The following C1QTNF1 variants were observed in gnomAD, a reference collection of about 807,000 sequenced individuals.
The protein encoded by C1QTNF1 is complement C1q tumor necrosis factor-related protein 1.
C1QTNF1 carries 22 observed loss-of-function variants against 27.8 expected under a neutral mutation model. The ratio of observed to expected loss-of-function variants is 0.79; its 90% CI spans 0.56 to 1.13. The LOEUF is 1.13. C1QTNF1 is among the 50% of genes most tolerant of loss of function. C1QTNF1 has a pLI of 0.00. For missense variants in C1QTNF1, 373 were observed against 380.2 expected, an observed-to-expected ratio of 0.98 and a Z score of 0.16; for synonymous variants, 166 against 154.3, an observed-to-expected ratio of 1.08 and a Z score of -0.56.
chr17:79,025,083 G>A (rs1392733196), intron 1 of C1QTNF1: 1 of 152,306 alleles, frequency 6.6e-6, no homozygotes, highest in East Asian at 1.9e-4. Context: ...AAAAAACGGT[G>A]TTGCTTCCCC....
In C1QTNF1 at chr17:79,046,900, T is replaced by C; in HGVS notation, c.295+206T>C. 1 of 662,204 alleles carries C rather than the reference T, an allele frequency of 1.5e-6. No homozygotes were observed. The highest frequency in any genetic ancestry group is 2.2e-5 in the South Asian group (1 of 45,626). 41.0% of individuals were successfully genotyped at this position (662,204 alleles called of 1,614,324 possible). ...CTGGCCCCTCTCCAAGAGGAGGGGT[T>C]GGAAAGGGGCCCACAGGACCAAGAG... On this transcript the variant is annotated intron_variant, in intron 3 of 3. Transcript: ENST00000579760. The surrounding 1 kb of genome is among the most constrained non-coding windows in gnomAD (Gnocchi z 4.8).
At chr17:79,028,655 C>T (rs1390522171) in intron 1 of C1QTNF1, among the ~76,000 whole-genome samples, 2 of 152,206 alleles carry the variant, frequency 1.3e-5, no homozygotes, top group East Asian at 1.9e-4. Context: ...AGGGTCCTCC[C>T]CGTGTGGTGC....
chr17:79,034,832 G>A (rs1334176458), intron 1 of C1QTNF1, among the ~76,000 whole-genome samples: 1 of 152,130 alleles, frequency 6.6e-6, no homozygotes, highest in East Asian at 1.9e-4. Flanking sequence ...ATTGAGAGAG[G>A]AGATAGGCTC....
chr17:79,030,319 TTG>T (rs142110810), intron 1 of C1QTNF1, among the ~76,000 whole-genome samples: 5,596 of 147,228 alleles, frequency 0.038, 147 homozygotes, highest in African/African-American at 0.079. Context: ...CTTTGTGGTT[TTG>T]TGTGTGTGTG....
In C1QTNF1 at chr17:79,047,548, T is replaced by A; in HGVS notation, c.306T>A (p.Gly102=). 6.6e-7 allele frequency: 1 copy of A among 1,525,798 alleles called. No homozygotes were observed. Among genetic ancestry groups the A allele is most frequent in the Non-Finnish European group, 8.8e-7 (1 of 1,138,470 alleles). The allele number at this position is 1,525,798 out of a possible 1,614,324, so 94.5% of individuals were successfully genotyped here. ...TCCCATCCCTTTTAGGGGAGAAGGG[T>A]GACCGCGGAGATCGAGGCCTCCAAG... is the stretch of plus-strand genomic sequence containing the variant. ...INITILKGEK[G]DRGDRGLQGK... is the part of the protein sequence containing the mutation. The change falls in exon 4 of 4, where the codon GGT becomes GGA. Residue 102 remains glycine (G), a synonymous_variant. Transcript: ENST00000579760.
chr17:79,025,377 G>A (rs1024941719), intron 1 of C1QTNF1, among the ~76,000 whole-genome samples: 1 of 152,142 alleles, frequency 6.6e-6, no homozygotes, highest in Admixed American at 6.6e-5. Context: ...ACTCATCCCT[G>A]CTTGGGAGGG....
intron 1 of C1QTNF1, among the ~76,000 whole-genome samples, chr17:79,035,433 G>A (rs981356635): frequency 2.5e-5 from 3 of 119,248 alleles, no homozygotes; most frequent in African/African-American, 4.4e-5. Flanking sequence ...GGGCTGAATC[G>A]TATTTTTTTT....
chr17:79,043,224 ATC>A (rs1214780864), intron 1 of C1QTNF1: 14 of 439,702 alleles, frequency 3.2e-5, no homozygotes, highest in Non-Finnish European at 5.8e-5. Flanking sequence ...GTGTGTGTGA[ATC>A]TGTGTGCATG....
Position 79,025,653 on chromosome 17 carries a change from A to G in C1QTNF1, c.-15+1159A>G, listed in dbSNP as rs953008049. 3 of 163,458 alleles carry G rather than the reference A, an allele frequency of 1.8e-5. No individual in the cohort carries two copies. The South Asian group carries it at 5.0e-4, about 27-fold the overall frequency. The allele number at this position is 163,458 out of a possible 1,614,324, so 10.1% of individuals were successfully genotyped here. On this transcript the variant is annotated intron_variant, in intron 1 of 3. Coordinates refer to ENST00000579760, the MANE Select transcript of C1QTNF1 (RefSeq NM_030968.5). Reference sequence around the variant, plus strand: ...GCAGGCCGTGCAGCCATGAACAGCCACAGATAGACGCACTTGGCTGTGGTG... The same window carrying G: ...GCAGGCCGTGCAGCCATGAACAGCCGCAGATAGACGCACTTGGCTGTGGTG...
intron 2 of C1QTNF1, among the ~76,000 whole-genome samples, chr17:79,044,716 G>A (rs1039604598): frequency 3.3e-5 from 5 of 152,210 alleles, no homozygotes; most frequent in Non-Finnish European, 7.3e-5. Flanking sequence ...CATTTCCTAG[G>A]GAAGCCGAGT....
At chr17:79,037,996 CT>C (rs905139081) in intron 1 of C1QTNF1, among the ~76,000 whole-genome samples, 38 of 144,442 alleles carry the variant, frequency 2.6e-4, no homozygotes, top group Admixed American at 2.1e-4. Context: ...TTTTCTTTTT[CT>C]TTTTTTTTTT....
At chr17:79,028,333 C>T (rs1215577337) in intron 1 of C1QTNF1, among the ~76,000 whole-genome samples, 1 of 152,240 alleles carries the variant, frequency 6.6e-6, no homozygotes, top group African/African-American at 2.4e-5. Flanking sequence ...AACAGCCACC[C>T]TCTGCCCTGG....
intron 1 of C1QTNF1, among the ~76,000 whole-genome samples, chr17:79,032,674 G>A (rs1284937977): frequency 2.0e-5 from 3 of 152,174 alleles, no homozygotes; most frequent in African/African-American, 7.2e-5. Context: ...CCCGCGTGAT[G>A]GCATGCATAG....
intron 1 of C1QTNF1, chr17:79,041,708 G>A (rs1278228169): frequency 6.6e-6 from 1 of 150,434 alleles, no homozygotes; most frequent in Non-Finnish European, 1.5e-5. Context: ...AACCTAGGAG[G>A]CGGAGTGAGC....
chr17:79,047,298 A>G (rs2072609157), intron 3 of C1QTNF1: 1 of 394,712 alleles, frequency 2.5e-6, no homozygotes, highest in Admixed American at 4.2e-5. Flanking sequence ...CTTCTGGGCG[A>G]AAATAGAACC....
At chr17:79,044,872 G>A (rs2072526423) in intron 2 of C1QTNF1, among the ~76,000 whole-genome samples, 1 of 152,172 alleles carries the variant, frequency 6.6e-6, no homozygotes, top group Non-Finnish European at 1.5e-5. Flanking sequence ...CGATGGGATT[G>A]GACAGGATTT....
intron 1 of C1QTNF1, among the ~76,000 whole-genome samples, chr17:79,034,702 G>A (rs2072224084): frequency 6.6e-6 from 1 of 152,370 alleles, no homozygotes. Flanking sequence ...AACCCTGGAA[G>A]AGTCTGTATT....
Position 79,047,529 on chromosome 17 carries a change from C to T in C1QTNF1, c.296-9C>T. The T allele has an allele frequency of 6.6e-7, 1 of 1,519,006 alleles. No homozygotes were observed. Among genetic ancestry groups the T allele is most frequent in the Non-Finnish European group, 8.8e-7 (1 of 1,135,400 alleles). 94.1% of individuals were successfully genotyped at this position (1,519,006 alleles called of 1,614,324 possible). ...CCATTAACAGCACGCGTTTTCCCATCCCTTTTAGGGGAGAAGGGTGACCGC... is the reference window on the plus strand; with the variant it reads ...CCATTAACAGCACGCGTTTTCCCATTCCTTTTAGGGGAGAAGGGTGACCGC... On this transcript the variant is annotated splice_polypyrimidine_tract_variant and intron_variant, in intron 3 of 3. Transcript: ENST00000579760.
rs1293276327 is a variant in C1QTNF1, at chr17:79,047,726, T to C, written c.484T>C (p.Tyr162His). 6.2e-7 allele frequency: 1 copy of C among 1,614,028 alleles called. No homozygotes were observed. Among genetic ancestry groups the C allele is most frequent in the Non-Finnish European group, 8.5e-7 (1 of 1,179,988 alleles). The change falls in exon 4 of 4, where the codon TAC becomes CAC. Residue 162 changes from tyrosine (Y) to histidine (H), a missense_variant. By Grantham distance (83) the Tyr-to-His change is moderately conservative. Transcript: ENST00000579760. Reference protein sequence around the residue: ...RKKPMHSNHYYQTVIFDTEFV... With the variant: ...RKKPMHSNHYHQTVIFDTEFV... ...GAAGCCCATGCACAGCAACCACTAC[T>C]ACCAGACGGTGATCTTCGACACGGA... is the stretch of plus-strand genomic sequence containing the variant.
Sources: gnomAD v4.1 joint callset for allele counts (sites outside exome capture counted in the v4.1 genomes callset) on GRCh38, gnomAD v4.1.1 for gene constraint, Gnocchi (gnomAD v3.1) non-coding constraint, MANE v1.5 for transcripts, NCBI Gene and HGNC (gene_info 2026-07-23, HGNC 2026-07-21) for gene names.